Variants in KCNK3 observed in about 807,000 individuals in gnomAD.
KCNK3 encodes potassium channel subfamily K member 3.
KCNK3 carries 9 observed loss-of-function variants against 27.3 expected under a neutral mutation model. The ratio of observed to expected loss-of-function variants is 0.33; its 90% CI spans 0.20 to 0.57. KCNK3 has a LOEUF of 0.57. Among genes scored for constraint, KCNK3 ranks in the 20% least tolerant of loss-of-function variants. The probability of loss-of-function intolerance (pLI) is 0.87; values close to 1 mark genes in which losing one functional copy is unlikely to be tolerated. For synonymous variants in KCNK3, 278 were observed against 273.8 expected, an observed-to-expected ratio of 1.02 and a Z score of -0.15; for missense variants, 391 against 577.7, an observed-to-expected ratio of 0.68 and a Z score of 3.31.
chr2:26,693,115 C>T lies in KCNK3; in HGVS notation c.240C>T (p.Phe80=). ...KPHKAGVQWR[F]AGSFYFAITV... ...ACAAGGCCGGCGTGCAGTGGCGCTT[C>T]GCCGGCTCCTTCTACTTCGCCATCA... The change falls in exon 1 of 2, where the codon TTC becomes TTT. Residue 80 remains phenylalanine (F), a synonymous_variant. Coordinates refer to ENST00000302909, the MANE Select transcript of KCNK3 (RefSeq NM_002246.3). This position sits in a 1 kb window ranked among gnomAD's most constrained non-coding sequence, Gnocchi z 5.5. The T allele has an allele frequency of 1.3e-6, 2 of 1,586,564 alleles. No homozygotes were observed. The highest frequency in any genetic ancestry group is 1.7e-6 in the Non-Finnish European group (2 of 1,166,032).
Position 26,693,990 on chromosome 2 carries a change from C to CAGAGAG in KCNK3, c.283+844_283+849dup, listed in dbSNP as rs143468627. Among the ~76,000 whole-genome samples the CAGAGAG allele has an allele frequency of 2.3e-4, 34 of 149,140 alleles. No homozygotes were observed. The highest frequency in any genetic ancestry group is 8.5e-4 in the African/African-American group (34 of 40,076). On this transcript the variant is annotated intron_variant, in intron 1 of 1. Coordinates refer to ENST00000302909, the MANE Select transcript of KCNK3 (RefSeq NM_002246.3). This position sits in a 1 kb window ranked among gnomAD's most constrained non-coding sequence, Gnocchi z 5.5. ...ACACACACACACACAGAGAGAGAGA[C>CAGAGAG]AGAGAGAGAGAGAGAGAACAAACGT...
At chr2:26,701,450 G>T (rs1320797944) in intron 1 of KCNK3, among the ~76,000 whole-genome samples, 1 of 152,176 alleles carries the variant, frequency 6.6e-6, no homozygotes, top group Admixed American at 6.5e-5. Context: ...GGGAACAGGG[G>T]ACCACTGGTC....
At position 26,731,375 on chromosome 2, in the gene KCNK3, G is replaced by C. The variant is rs1424193251; in HGVS notation, c.*2807G>C. 1 of 152,340 alleles carries C rather than the reference G, an allele frequency of 6.6e-6. No homozygotes were observed. 9.4% of individuals were successfully genotyped at this position (152,340 alleles called of 1,614,324 possible). A position where few individuals can be genotyped will look rare whatever the true frequency, so the allele number is the denominator to read the frequency against. On this transcript the variant is annotated 3_prime_UTR_variant, in exon 2 of 2. Transcript: ENST00000302909. The stretch of plus-strand genomic sequence containing the variant: ...ACCTGAGGTCAGAAGTTCAAGACCA[G>C]CCTGGCCAACATGGTAAAACCCCGT...
chr2:26,699,776 C>A (rs1670284688), intron 1 of KCNK3, among the ~76,000 whole-genome samples: 1 of 152,204 alleles, frequency 6.6e-6, no homozygotes, highest in Non-Finnish European at 1.5e-5. Flanking sequence ...TTTCCTGTCA[C>A]CAGAATCTCC....
chr2:26,704,540 A>G (rs899875395), intron 1 of KCNK3, among the ~76,000 whole-genome samples: 1 of 152,156 alleles, frequency 6.6e-6, no homozygotes, highest in Non-Finnish European at 1.5e-5. Context: ...TGAGAGTCAC[A>G]TTCCAGCCCT....
At chr2:26,705,873 G>C (rs911611525) in intron 1 of KCNK3, among the ~76,000 whole-genome samples, 3 of 152,124 alleles carry the variant, frequency 2.0e-5, no homozygotes, top group Admixed American at 2.0e-4. Context: ...ATGGAGGTAG[G>C]GGGGTGGGGG....
intron 1 of KCNK3, among the ~76,000 whole-genome samples, chr2:26,710,693 G>A (rs2148261651): frequency 6.6e-6 from 1 of 152,274 alleles, no homozygotes. Flanking sequence ...GCAGCCTCCA[G>A]CTCTGACCCT....
chr2:26,708,571 C>A (rs936245828), intron 1 of KCNK3, among the ~76,000 whole-genome samples: 1 of 152,012 alleles, frequency 6.6e-6, no homozygotes, highest in Non-Finnish European at 1.5e-5. Flanking sequence ...CCCAGCTACT[C>A]GGGAGGCTGA....
chr2:26,726,851 GCT>G (rs1296253486), intron 1 of KCNK3, among the ~76,000 whole-genome samples: 1 of 152,172 alleles, frequency 6.6e-6, no homozygotes, highest in African/African-American at 2.4e-5. Context: ...GACACCGAGG[GCT>G]CCTGCTTTGC....
intron 1 of KCNK3, among the ~76,000 whole-genome samples, chr2:26,723,838 C>T (rs1325185010): frequency 1.3e-5 from 2 of 152,284 alleles, no homozygotes; most frequent in Admixed American, 6.5e-5. Flanking sequence ...GAGGCAGTGG[C>T]CAGAGTCTCC....
chr2:26,700,340 T>G (rs995706118), intron 1 of KCNK3, among the ~76,000 whole-genome samples: 10 of 152,264 alleles, frequency 6.6e-5, no homozygotes, highest in African/African-American at 9.6e-5. Flanking sequence ...TCTCTCATTG[T>G]GCAGAAACTG....
At chr2:26,712,302 A>G (rs113107427) in intron 1 of KCNK3, among the ~76,000 whole-genome samples, 55 of 152,320 alleles carry the variant, frequency 3.6e-4, no homozygotes, top group African/African-American at 1.2e-3. Flanking sequence ...CGGAGGACAG[A>G]CTGAGTCAAG....
At chr2:26,697,365 C>T (rs1670248682) in intron 1 of KCNK3, among the ~76,000 whole-genome samples, 1 of 152,120 alleles carries the variant, frequency 6.6e-6, no homozygotes, top group Admixed American at 6.5e-5. Flanking sequence ...ATTAGCCAGG[C>T]ATGGTGGTTC....
chr2:26,708,988 G>T (rs2148260637), intron 1 of KCNK3, among the ~76,000 whole-genome samples: 1 of 152,314 alleles, frequency 6.6e-6, no homozygotes, highest in East Asian at 1.9e-4. Context: ...AGACAGCACT[G>T]GCTGATGGGT....
At chr2:26,726,834 C>A (rs1276428061) in intron 1 of KCNK3, among the ~76,000 whole-genome samples, 3 of 152,168 alleles carry the variant, frequency 2.0e-5, no homozygotes, top group Non-Finnish European at 2.9e-5. Context: ...AGTAACACAC[C>A]TGGAAAGACA....
At chr2:26,695,107 C>T (rs1399135168) in intron 1 of KCNK3, among the ~76,000 whole-genome samples, 1 of 152,240 alleles carries the variant, frequency 6.6e-6, no homozygotes, top group African/African-American at 2.4e-5. Flanking sequence ...CTATGTCTGA[C>T]TTCACATCTC....
chr2:26,703,917 C>T (rs941985561), intron 1 of KCNK3, among the ~76,000 whole-genome samples: 4 of 152,154 alleles, frequency 2.6e-5, no homozygotes, highest in Admixed American at 6.5e-5. Flanking sequence ...GAAATGTACT[C>T]GTGAGCAGAT....
Position 26,728,653 on chromosome 2 carries a change from C to A in KCNK3, c.*85C>A. On this transcript the variant is annotated 3_prime_UTR_variant, in exon 2 of 2. Transcript: ENST00000302909. ...AGGAGACTGCCCCTGCTGCCTTCTG[C>A]CCAGTGGGACCCCGCACAACATCCC... is the stretch of plus-strand genomic sequence containing the variant. The A allele has an allele frequency of 8.8e-7, 1 of 1,139,700 alleles. No homozygotes were observed. The highest frequency in any genetic ancestry group is 1.2e-6 in the Non-Finnish European group (1 of 855,498). 70.6% of individuals were successfully genotyped at this position (1,139,700 alleles called of 1,614,324 possible).
chr2:26,707,719 T>C (rs914106405), intron 1 of KCNK3, among the ~76,000 whole-genome samples: 1 of 152,218 alleles, frequency 6.6e-6, no homozygotes, highest in Non-Finnish European at 1.5e-5. Context: ...AGACAGCAGA[T>C]AGCATTCTGG....
Sources: allele counts gnomAD v4.1 joint callset (sites outside exome capture counted in the v4.1 genomes callset), GRCh38; gene constraint gnomAD v4.1.1; non-coding constraint Gnocchi (gnomAD v3.1); transcripts MANE v1.5; gene names NCBI Gene and HGNC (gene_info 2026-07-23, HGNC 2026-07-21).